The following SLC15A4 variants were observed in gnomAD, a reference collection of about 807,000 sequenced individuals.
The protein encoded by SLC15A4 is hPHT1.
Under a neutral mutation model 46.1 loss-of-function variants are expected in SLC15A4, and 26 were observed. The observed-to-expected ratio is 0.56, with a 90% confidence interval of 0.41 to 0.78. The LOEUF is 0.78. Among genes scored for constraint, SLC15A4 ranks in the 30% least tolerant of loss-of-function variants. The probability of loss-of-function intolerance (pLI) is 0.00; values close to 1 mark genes in which losing one functional copy is unlikely to be tolerated. For synonymous variants in SLC15A4, 370 were observed against 333.4 expected (o/e 1.11, Z -1.20); for missense variants, 751 against 755.7 (o/e 0.99, Z 0.07).
chr12:128,812,760 C>T (rs746527458), intron 2 of SLC15A4, among the ~76,000 whole-genome samples: 6 of 152,120 alleles, frequency 3.9e-5, no homozygotes, highest in Admixed American at 1.3e-4. Flanking sequence ...AATCCATCTC[C>T]GCTGTAAAAA....
intron 7 of SLC15A4, among the ~76,000 whole-genome samples, chr12:128,795,735 A>G (rs1955435784): frequency 6.6e-6 from 1 of 152,220 alleles, no homozygotes; most frequent in African/African-American, 2.4e-5. Flanking sequence ...TGTGAGCAGA[A>G]AACGGCAGGA....
intron 2 of SLC15A4, 96 bp downstream of exon 2, chr12:128,814,679 G>T: frequency 7.6e-7 from 1 of 1,319,314 alleles, no homozygotes; most frequent in Non-Finnish European, 1.1e-6. Flanking sequence ...CCCAGGCCCA[G>T]CACACAATAA....
Position 128,814,821 on chromosome 12 carries a change from A to T in SLC15A4, c.796T>A (p.Tyr266Asn). 1 of 1,614,232 alleles carries T rather than the reference A, an allele frequency of 6.2e-7. No individual in the cohort carries two copies. The highest frequency in any genetic ancestry group is 1.1e-5 in the South Asian group (1 of 91,082). ...AFTDMFKILT[Y>N]SCCSQKRSGE... is the part of the protein sequence containing the mutation. ...CTTCGCTTCTGGGAACAGCAGGAAT[A>T]CGTCAGTATCTTGAACATGTCGGTG... is the stretch of plus-strand genomic sequence containing the variant. Residue 266 changes from tyrosine (Y) to asparagine (N), a missense_variant, in exon 2 of 8, where the codon TAT becomes AAT. Coordinates refer to ENST00000266771, the MANE Select transcript of SLC15A4 (RefSeq NM_145648.4).
chr12:128,817,523 T>C (rs1955773798), intron 1 of SLC15A4, among the ~76,000 whole-genome samples: 1 of 152,064 alleles, frequency 6.6e-6, no homozygotes, highest in Non-Finnish European at 1.5e-5. Context: ...ACAGTGACAC[T>C]GCACACACCT....
intron 5 of SLC15A4, among the ~76,000 whole-genome samples, chr12:128,806,212 A>G (rs1027437376): frequency 6.6e-6 from 1 of 151,464 alleles, no homozygotes; most frequent in African/African-American, 2.4e-5. Flanking sequence ...TGGGTACAAC[A>G]CAAACTGTAC....
chr12:128,807,159 C>T (rs896212824), intron 5 of SLC15A4, among the ~76,000 whole-genome samples: 46 of 152,202 alleles, frequency 3.0e-4, no homozygotes, highest in African/African-American at 1.0e-3. Flanking sequence ...CCTTGGCCTC[C>T]CAAAGTACTG....
At chr12:128,803,507 G>A (rs1955542823) in intron 5 of SLC15A4, among the ~76,000 whole-genome samples, 1 of 152,158 alleles carries the variant, frequency 6.6e-6, no homozygotes, top group Non-Finnish European at 1.5e-5. Flanking sequence ...ACAACTGGCA[G>A]AGCTGAGGCC....
chr12:128,799,755 T>C (rs766832866), intron 6 of SLC15A4, among the ~76,000 whole-genome samples: 1 of 152,224 alleles, frequency 6.6e-6, no homozygotes, highest in Non-Finnish European at 1.5e-5. Context: ...AATTTTCCTA[T>C]ATTGTCAAGG....
rs1955431029 is a variant in SLC15A4, at chr12:128,795,323, T to C, written c.1574-967A>G. ...AAGCAGATACCTCTGCATACTTTAATACAAAGAGTTAGCATACACTGAATA... is the reference window on the plus strand; with the variant it reads ...AAGCAGATACCTCTGCATACTTTAACACAAAGAGTTAGCATACACTGAATA... On this transcript the variant is annotated intron_variant, in intron 7 of 7. Transcript: ENST00000266771. 2.0e-5 allele frequency among the ~76,000 whole-genome samples: 3 copies of C among 152,244 alleles called. No homozygotes were observed. In the South Asian group the frequency reaches 6.2e-4, roughly 32 times the overall value.
At chr12:128,820,316 T>G (rs539178231) in intron 1 of SLC15A4, among the ~76,000 whole-genome samples, 2 of 152,338 alleles carry the variant, frequency 1.3e-5, no homozygotes, top group South Asian at 4.1e-4. Context: ...CTACAGGCAG[T>G]AAGAAAGTGA....
chr12:128,812,910 C>G (rs1240767826), intron 2 of SLC15A4, among the ~76,000 whole-genome samples: 1 of 152,086 alleles, frequency 6.6e-6, no homozygotes, highest in African/African-American at 2.4e-5. Context: ...TTATTTTTGC[C>G]CAAGAAGACT....
At chr12:128,820,034 A>G (rs767667496) in intron 1 of SLC15A4, among the ~76,000 whole-genome samples, 3 of 152,240 alleles carry the variant, frequency 2.0e-5, no homozygotes, top group African/African-American at 4.8e-5. Flanking sequence ...CGAGGCTTAA[A>G]TAAGATCACG....
At chr12:128,795,064 C>T (rs1359461822) in intron 7 of SLC15A4, among the ~76,000 whole-genome samples, 3 of 152,100 alleles carry the variant, frequency 2.0e-5, no homozygotes, top group Admixed American at 6.6e-5. Context: ...ATCTCTTTAT[C>T]GAATCCTGAG....
intron 6 of SLC15A4, among the ~76,000 whole-genome samples, chr12:128,800,404 C>T (rs541462353): frequency 3.3e-5 from 5 of 152,316 alleles, no homozygotes; most frequent in South Asian, 4.1e-4. Flanking sequence ...GCCCAGAATA[C>T]ACTTGTTCAA....
intron 5 of SLC15A4, among the ~76,000 whole-genome samples, chr12:128,801,892 A>G (rs991921169): frequency 6.6e-6 from 1 of 152,226 alleles, no homozygotes; most frequent in Non-Finnish European, 1.5e-5. Flanking sequence ...TGAAAATATT[A>G]AAAATGTTCC....
In SLC15A4 at chr12:128,794,061, AAATC is replaced by A; in HGVS notation, c.*131_*134del. 7 of 908,410 alleles carry A rather than the reference AAATC, an allele frequency of 7.7e-6. No individual in the cohort carries two copies. The highest frequency in any genetic ancestry group is 9.9e-6 in the Non-Finnish European group (6 of 606,616). The allele number at this position is 908,410 out of a possible 1,614,324, so 56.3% of individuals were successfully genotyped here. A position where few individuals can be genotyped will look rare whatever the true frequency, so the allele number is the denominator to read the frequency against. On this transcript the variant is annotated 3_prime_UTR_variant, in exon 8 of 8. Transcript: ENST00000266771. ...GCTCCTTTGGATAGAGGGAAAGAAGAAATCAATCCAGGCAACATGCAAGTTTCAG... is the reference window on the plus strand; with the variant it reads ...GCTCCTTTGGATAGAGGGAAAGAAGAAATCCAGGCAACATGCAAGTTTCAG...
chr12:128,821,416 C>T (rs1028361334), intron 1 of SLC15A4, among the ~76,000 whole-genome samples: 1 of 152,236 alleles, frequency 6.6e-6, no homozygotes, highest in African/African-American at 2.4e-5. Context: ...TGAGACATCT[C>T]GTCTCCATCA....
In SLC15A4 at chr12:128,793,937, C is replaced by G. The variant is rs1286943766; in HGVS notation, c.*259G>C. On this transcript the variant is annotated 3_prime_UTR_variant, in exon 8 of 8. Coordinates refer to ENST00000266771, the MANE Select transcript of SLC15A4 (RefSeq NM_145648.4). ...AAAGGGAACCCAGCTAGAGGATTCA[C>G]AGAGACCTTGAATGACAAGCGACAT... is the stretch of plus-strand genomic sequence containing the variant. 7 of 339,216 alleles carry G rather than the reference C, an allele frequency of 2.1e-5. No individual in the cohort carries two copies. The East Asian group carries it at 3.2e-4, about 16-fold the overall frequency. The allele number at this position is 339,216 out of a possible 1,614,324, so 21.0% of individuals were successfully genotyped here. A position where few individuals can be genotyped will look rare whatever the true frequency, so the allele number is the denominator to read the frequency against.
rs1317672602 is a variant in SLC15A4 at position 128,794,296 on chromosome 12, G to C, written c.1634C>G (p.Ala545Gly). The change falls in exon 8 of 8, where the codon GCT becomes GGT. Residue 545 changes from alanine to glycine, a missense_variant. Ala to Gly is a moderately conservative substitution (Grantham distance 60). Transcript: ENST00000266771. ...YFFLLAAIQG[A>G]TLLLFLIISV... is the part of the protein sequence containing the mutation. The stretch of plus-strand genomic sequence containing the variant: ...AATAATGAGGAAAAGCAGGAGGGTA[G>C]CTCCTTGAATAGCAGCCAGAAGAAA... The C allele has an allele frequency of 1.2e-6, 2 of 1,613,794 alleles. No homozygotes were observed. The highest frequency in any genetic ancestry group is 4.5e-5 in the East Asian group (2 of 44,888).
Sources: allele counts gnomAD v4.1 joint callset (sites outside exome capture counted in the v4.1 genomes callset), GRCh38; gene constraint gnomAD v4.1.1; transcripts MANE v1.5; gene names NCBI Gene and HGNC (gene_info 2026-07-23, HGNC 2026-07-21).